The following GDPD4 variants were observed in gnomAD, a reference collection of about 807,000 sequenced individuals.
GDPD4 encodes glycerophosphodiester phosphodiesterase 6.
A neutral mutation model predicts 67.8 loss-of-function variants in GDPD4; 60 were observed. The ratio of observed to expected loss-of-function variants is 0.88; its 90% CI spans 0.72 to 1.10. The LOEUF (loss-of-function observed/expected upper bound fraction) is 1.10. Among genes scored for constraint, GDPD4 ranks in the 50% least tolerant of loss-of-function variants. The pLI is 0.00. For synonymous variants in GDPD4, 212 were observed against 210.9 expected (o/e 1.00, Z -0.04); for missense variants, 623 against 613.9 (o/e 1.01, Z -0.16).
At chr11:77,239,331 T>C (rs569392829) in intron 13 of GDPD4, among the ~76,000 whole-genome samples, 1 of 152,292 alleles carries the variant, frequency 6.6e-6, no homozygotes, top group East Asian at 1.9e-4. Flanking sequence ...CATAGTACTG[T>C]CTTAGCCAGA....
At chr11:77,244,630 A>G (rs1044719682) in intron 12 of GDPD4, among the ~76,000 whole-genome samples, 2 of 152,102 alleles carry the variant, frequency 1.3e-5, no homozygotes, top group Non-Finnish European at 2.9e-5. Flanking sequence ...CTTGAGCCCA[A>G]GAGTTTGAGA....
At chr11:77,284,195 A>C (rs1417934760) in intron 3 of GDPD4, among the ~76,000 whole-genome samples, 3 of 152,210 alleles carry the variant, frequency 2.0e-5, no homozygotes. Flanking sequence ...AAAATGGCTA[A>C]GTGTATTATA....
intron 3 of GDPD4, among the ~76,000 whole-genome samples, chr11:77,281,668 C>T (rs985271419): frequency 6.6e-6 from 1 of 152,136 alleles, no homozygotes; most frequent in African/African-American, 2.4e-5. Context: ...CTTCACAGGG[C>T]TACAGGGGAG....
intron 11 of GDPD4, among the ~76,000 whole-genome samples, chr11:77,246,621 G>A (rs1282464017): frequency 6.6e-6 from 1 of 152,140 alleles, no homozygotes; most frequent in Non-Finnish European, 1.5e-5. Flanking sequence ...AGGAGAGGAA[G>A]AATAACCTAT....
At chr11:77,284,747 T>C (rs977337953) in intron 3 of GDPD4, among the ~76,000 whole-genome samples, 4 of 152,092 alleles carry the variant, frequency 2.6e-5, no homozygotes, top group African/African-American at 9.7e-5. Flanking sequence ...GACCAACTAG[T>C]GTCAACATCA....
At chr11:77,222,215 AT>A (rs1456290005) in intron 16 of GDPD4, among the ~76,000 whole-genome samples, 19 of 152,280 alleles carry the variant, frequency 1.2e-4, no homozygotes, top group African/African-American at 4.1e-4. Context: ...CATTTAGCCC[AT>A]TTACATTTAA....
In GDPD4 at chr11:77,227,901, T is replaced by C. The variant is rs1231611268; in HGVS notation, c.1488A>G (p.Glu496=). The C allele has an allele frequency of 1.9e-6, 3 of 1,613,184 alleles. No individual in the cohort carries two copies. The highest frequency in any genetic ancestry group is 1.7e-5 in the Admixed American group (1 of 59,998). Residue 496 remains glutamate (E), a synonymous_variant, in exon 16 of 17, where the codon GAA becomes GAG. Transcript: ENST00000315938. ...TGGAGGTTTCAAACAATTTTTCTTT[T>C]TCAGTCTCTCTCCGCCTAGAAGGAA... The part of the protein sequence containing the change: ...IFCFHWRRET[E]KEKLFETSST...
At chr11:77,221,385 C>G (rs574578504) in intron 16 of GDPD4, among the ~76,000 whole-genome samples, 19 of 152,206 alleles carry the variant, frequency 1.2e-4, no homozygotes, top group Non-Finnish European at 2.6e-4. Context: ...ATAAATTTCC[C>G]TCTACACACT....
rs1959222108 is a variant in GDPD4 at position 77,271,352 on chromosome 11, C to G, written c.249G>C (p.Met83Ile). 1.2e-6 allele frequency: 2 copies of G among 1,613,732 alleles called. No homozygotes were observed. Among genetic ancestry groups the G allele is most frequent in the Non-Finnish European group, 1.7e-6 (2 of 1,179,778 alleles). ...CTTTCCAGAATTTGCATATAATGAACATTAAAATGACACACAGAAGAATCA... is the reference window on the plus strand; with the variant it reads ...CTTTCCAGAATTTGCATATAATGAAGATTAAAATGACACACAGAAGAATCA... The part of the protein sequence containing the change: ...LLVILLCVIL[M>I]FIICKFWKER... Residue 83 changes from methionine to isoleucine, a missense_variant, in exon 6 of 17, where the codon ATG becomes ATC. Physicochemically the swap from Met to Ile is conservative, Grantham distance 10 (BLOSUM62 1). Coordinates refer to ENST00000315938, the MANE Select transcript of GDPD4 (RefSeq NM_182833.3).
intron 14 of GDPD4, among the ~76,000 whole-genome samples, chr11:77,231,578 T>C (rs1314891500): frequency 6.6e-6 from 1 of 152,184 alleles, no homozygotes; most frequent in Non-Finnish European, 1.5e-5. Context: ...ATATATCCTT[T>C]TAAACTTTTT....
intron 13 of GDPD4, among the ~76,000 whole-genome samples, chr11:77,238,326 G>A (rs1398205963): frequency 6.6e-6 from 1 of 152,178 alleles, no homozygotes; most frequent in Non-Finnish European, 1.5e-5. Context: ...GCTCATGCCT[G>A]TAATCCCAGC....
intron 16 of GDPD4, among the ~76,000 whole-genome samples, chr11:77,226,316 T>C (rs918529536): frequency 6.6e-6 from 1 of 152,062 alleles, no homozygotes; most frequent in African/African-American, 2.4e-5. Context: ...TCAGTGTGAC[T>C]GTATTTGGAG....
At chr11:77,222,747 C>G (rs1414524538) in intron 16 of GDPD4, among the ~76,000 whole-genome samples, 1 of 152,072 alleles carries the variant, frequency 6.6e-6, no homozygotes, top group Non-Finnish European at 1.5e-5. Flanking sequence ...TTGTGGTGGT[C>G]TCTGTATTTC....
At chr11:77,240,053 A>G (rs138676764) in intron 13 of GDPD4, among the ~76,000 whole-genome samples, 32 of 152,274 alleles carry the variant, frequency 2.1e-4, no homozygotes, top group African/African-American at 7.2e-4. Context: ...ATATTGTTAC[A>G]ATGTCAAAAT....
intron 13 of GDPD4, among the ~76,000 whole-genome samples, chr11:77,239,524 G>C (rs1313545373): frequency 6.6e-6 from 1 of 152,162 alleles, no homozygotes; most frequent in African/African-American, 2.4e-5. Flanking sequence ...AAAACCAGTA[G>C]CATTTCTTTC....
intron 10 of GDPD4, among the ~76,000 whole-genome samples, chr11:77,260,666 G>A (rs1959098537): frequency 6.6e-6 from 1 of 152,060 alleles, no homozygotes; most frequent in African/African-American, 2.4e-5. Context: ...TTATAAAGGT[G>A]TAAACAAGGT....
chr11:77,293,184 A>G (rs1937839332), intron 1 of GDPD4, among the ~76,000 whole-genome samples: 1 of 152,238 alleles, frequency 6.6e-6, no homozygotes, highest in South Asian at 2.1e-4. Context: ...TCCTGAAAAA[A>G]GTACAAACCA....
At chr11:77,254,156 A>T (rs1418788327) in intron 11 of GDPD4, among the ~76,000 whole-genome samples, 2 of 152,178 alleles carry the variant, frequency 1.3e-5, no homozygotes, top group Admixed American at 6.5e-5. Context: ...TCTGAGGGGA[A>T]CACAGTTGTA....
At chr11:77,223,188 T>C (rs934420058) in intron 16 of GDPD4, among the ~76,000 whole-genome samples, 1 of 152,142 alleles carries the variant, frequency 6.6e-6, no homozygotes, top group Non-Finnish European at 1.5e-5. Context: ...GAGAAGTTTG[T>C]TATTACCGAC....
Sources: allele counts gnomAD v4.1 joint callset (sites outside exome capture counted in the v4.1 genomes callset), GRCh38; gene constraint gnomAD v4.1.1; transcripts MANE v1.5; gene names NCBI Gene and HGNC (gene_info 2026-07-23, HGNC 2026-07-21).